ANKRD17: variants seen among roughly 807,000 people sequenced by gnomAD.
The protein encoded by ANKRD17 is ankyrin repeat domain-containing protein 17.
A neutral mutation model predicts 229.7 loss-of-function variants in ANKRD17; 19 were observed. The observed-to-expected ratio is 0.08, with a 90% CI of 0.06 to 0.12. The LOEUF is 0.12. ANKRD17 is among the 10% of genes least tolerant of loss of function. The pLI, the probability that ANKRD17 is intolerant of heterozygous loss-of-function variation, is 1.00. For missense variants in ANKRD17, 2,176 were observed against 3,176.8 expected (o/e 0.68, Z 7.57); for synonymous variants, 1,112 against 1,146.1 (o/e 0.97, Z 0.60).
chr4:73,173,102 T>C (rs1198871622), intron 2 of ANKRD17, among the ~76,000 whole-genome samples: 3 of 151,496 alleles, frequency 2.0e-5, no homozygotes, highest in Non-Finnish European at 4.4e-5. Flanking sequence ...AGAGTGAAAA[T>C]AAAGGGATTG....
At chr4:73,165,734 GGA>G (rs1455841256) in intron 2 of ANKRD17, among the ~76,000 whole-genome samples, 1 of 152,190 alleles carries the variant, frequency 6.6e-6, no homozygotes, top group East Asian at 1.9e-4. Context: ...TTGGCTGGTT[GGA>G]GATAAGGAAG....
chr4:73,124,853 T>C lies in ANKRD17; in HGVS notation c.3492+60A>G. ...GTTCTGATAGAAAAAATAATATAAG[T>C]GAAAGTACACATTTGCTAAACAGAG... On this transcript the variant is annotated intron_variant, in intron 18 of 33. Transcript: ENST00000358602. The C allele has an allele frequency of 3.8e-6, 6 of 1,567,382 alleles. No individual in the cohort carries two copies. In the South Asian group the frequency reaches 7.0e-5, roughly 18 times the overall value.
chr4:73,200,463 C>T (rs1738510274), intron 1 of ANKRD17, among the ~76,000 whole-genome samples: 1 of 152,032 alleles, frequency 6.6e-6, no homozygotes, highest in African/African-American at 2.4e-5. Flanking sequence ...TAAGCCTGGG[C>T]CACGTTCTCA....
At chr4:73,235,523 G>A (rs1053053759) in intron 1 of ANKRD17, among the ~76,000 whole-genome samples, 5 of 152,108 alleles carry the variant, frequency 3.3e-5, no homozygotes, top group African/African-American at 9.7e-5. Flanking sequence ...ATCTGTTCCC[G>A]CTTTTCAGAA....
chr4:73,113,423 G>A, intron 24 of ANKRD17: 1 of 1,265,196 alleles, frequency 7.9e-7, no homozygotes, highest in South Asian at 1.3e-5. Context: ...TTTGGTACTT[G>A]TGATAAACCT....
chr4:73,124,702 G>A (rs1416313551), intron 18 of ANKRD17, among the ~76,000 whole-genome samples: 1 of 152,176 alleles, frequency 6.6e-6, no homozygotes, highest in Non-Finnish European at 1.5e-5. Context: ...CCTACTTTTA[G>A]ATGAGCAGGA....
chr4:73,090,592 T>A, intron 29 of ANKRD17, 75 bp downstream of exon 29: 1 of 1,564,110 alleles, frequency 6.4e-7, no homozygotes, highest in Non-Finnish European at 8.7e-7. Flanking sequence ...AATAAAAATA[T>A]TAGAAAATGA....
intron 3 of ANKRD17, 121 bp from the exon 4 acceptor site, chr4:73,156,287 C>T (rs1578214694): frequency 2.4e-6 from 3 of 1,231,382 alleles, no homozygotes; most frequent in Non-Finnish European, 3.3e-6. Flanking sequence ...GCTCTGTCAC[C>T]CAGGAGGGGG....
At position 73,142,372 on chromosome 4, in the gene ANKRD17, A is replaced by G. The variant is rs767307631; in HGVS notation, c.2099T>C (p.Met700Thr). 2 of 1,589,198 alleles carry G rather than the reference A, an allele frequency of 1.3e-6. No individual in the cohort carries two copies. Among genetic ancestry groups the G allele is most frequent in the South Asian group, 2.4e-5 (2 of 85,102 alleles). ...GCCACCTTTTGCTGCTTCTATCAAC[A>G]TAGTTGAGCCATCCTAAAAGAGTGA... ...PTHRLKDGST[M>T]LIEAAKGGHT... The change falls in exon 13 of 34, where the codon ATG (methionine) becomes ACG (threonine). Residue 700 changes from methionine (M) to threonine (T), a missense_variant. Physicochemically the swap from Met to Thr is moderately conservative, Grantham distance 81. Around this residue, in one of 18 missense-constraint regions of ANKRD17, gnomAD observed 275 missense variants for 386.9 expected, o/e 0.71. Transcript: ENST00000358602.
intron 8 of ANKRD17, among the ~76,000 whole-genome samples, chr4:73,148,428 A>G (rs1730570056): frequency 6.6e-6 from 1 of 152,182 alleles, no homozygotes; most frequent in African/African-American, 2.4e-5. Context: ...GTGGTTTCCC[A>G]TACTGTTTTT....
At chr4:73,113,004 T>G (rs1578086382) in intron 24 of ANKRD17, 2 of 814,884 alleles carry the variant, frequency 2.5e-6, no homozygotes, top group Non-Finnish European at 3.1e-6. Flanking sequence ...GCCAGGCTGG[T>G]CTCAAGCTCC....
chr4:73,218,567 CCT>C (rs1348342288), intron 1 of ANKRD17, among the ~76,000 whole-genome samples: 4 of 151,506 alleles, frequency 2.6e-5, no homozygotes, highest in African/African-American at 4.9e-5. Flanking sequence ...CGCTTCAACC[CCT>C]GAGGGGGAGG....
Position 73,098,360 on chromosome 4 carries a change from T to C in ANKRD17, c.4734A>G (p.Pro1578=). The change falls in exon 26 of 34, where the codon CCA becomes CCG. Residue 1578 remains proline, a synonymous_variant. Coordinates refer to ENST00000358602, the MANE Select transcript of ANKRD17 (RefSeq NM_032217.5). ...CATCAAATATAATTTGAACGTTTTC[T>C]GGAGTAATTTTATTTTTCCTGTTTT... is the stretch of plus-strand genomic sequence containing the variant. The part of the protein sequence containing the change: ...KRKNRKNKIT[P]ENVQIIFDDP... 1 of 1,614,226 alleles carries C rather than the reference T, an allele frequency of 6.2e-7. No individual in the cohort carries two copies. Among genetic ancestry groups the C allele is most frequent in the East Asian group, 2.2e-5 (1 of 44,882 alleles).
chr4:73,171,178 G>GCAGAGAGA (rs1553928536), intron 2 of ANKRD17, among the ~76,000 whole-genome samples: 1 of 104,446 alleles, frequency 9.6e-6, no homozygotes. Context: ...CTCAGAGGGG[G>GCAGAGAGA]GAGAGAGAGA....
chr4:73,166,012 C>T (rs1017635891), intron 2 of ANKRD17, among the ~76,000 whole-genome samples: 2 of 152,232 alleles, frequency 1.3e-5, no homozygotes, highest in Admixed American at 6.5e-5. Flanking sequence ...TCCAGCCACA[C>T]TGTCCCCAGA....
chr4:73,187,522 T>A (rs1275082919), intron 1 of ANKRD17, among the ~76,000 whole-genome samples: 3 of 152,180 alleles, frequency 2.0e-5, no homozygotes, highest in Non-Finnish European at 4.4e-5. Context: ...TAAATGACTT[T>A]GTAACTTTAC....
At chr4:73,182,735 A>C (rs1185376843) in intron 1 of ANKRD17, among the ~76,000 whole-genome samples, 2 of 152,212 alleles carry the variant, frequency 1.3e-5, no homozygotes, top group Non-Finnish European at 2.9e-5. Flanking sequence ...CTTCCAGTAC[A>C]TGAAAATTAG....
chr4:73,086,919 AATATAT>A (rs61024099), intron 29 of ANKRD17, among the ~76,000 whole-genome samples: 129 of 12,444 alleles, frequency 0.01, 11 homozygotes, highest in African/African-American at 0.024. Flanking sequence ...AAAAAAAAAA[AATATAT>A]ATATATATAT....
chr4:73,256,231 G>A (rs1310054680), intron 1 of ANKRD17, among the ~76,000 whole-genome samples: 5 of 152,112 alleles, frequency 3.3e-5, no homozygotes, highest in Admixed American at 1.3e-4. Context: ...CAAACTTACA[G>A]CCATTCTTCA....
Sources: allele counts gnomAD v4.1 joint callset (sites outside exome capture counted in the v4.1 genomes callset), GRCh38; gene constraint gnomAD v4.1.1; regional missense constraint gnomAD v4.1.1; transcripts MANE v1.5; gene names NCBI Gene and HGNC (gene_info 2026-07-23, HGNC 2026-07-21).